ACYP2: variants seen among roughly 807,000 people sequenced by gnomAD.
The protein encoded by ACYP2 is acylphosphatase-2.
A neutral mutation model predicts 11.2 loss-of-function variants in ACYP2; 12 were observed. That is an observed-to-expected ratio of 1.08 (90% confidence interval 0.69 to 1.74). The LOEUF (loss-of-function observed/expected upper bound fraction) is 1.74. Ranked by LOEUF, ACYP2 falls within the 40% of genes most tolerant of loss-of-function variation. ACYP2 has a pLI of 0.00. For synonymous variants in ACYP2, 43 were observed against 32.2 expected (o/e 1.33, Z -1.13); for missense variants, 134 against 101.9 (o/e 1.31, Z -1.35).
chr2:53,976,372 T>A (rs1217802832), intron 2 of ACYP2, among the ~76,000 whole-genome samples: 5 of 152,188 alleles, frequency 3.3e-5, no homozygotes, highest in Non-Finnish European at 4.4e-5. Context: ...CATGTCCGGC[T>A]AATTTTTAAT....
chr2:54,295,103 G>T (rs1286829134), intron 6 of ACYP2, among the ~76,000 whole-genome samples: 1 of 152,068 alleles, frequency 6.6e-6, no homozygotes, highest in Non-Finnish European at 1.5e-5. Flanking sequence ...GGATGGACTT[G>T]GCCCTCCTGT....
intron 2 of ACYP2, among the ~76,000 whole-genome samples, chr2:54,017,412 G>A (rs1673758534): frequency 1.3e-5 from 2 of 151,354 alleles, no homozygotes; most frequent in Non-Finnish European, 1.5e-5. Context: ...GAACCACCAC[G>A]CCTGGCTAAT....
At chr2:54,255,324 G>A (rs1249798136) in intron 6 of ACYP2, 1 of 1,614,080 alleles carries the variant, frequency 6.2e-7, no homozygotes, top group Admixed American at 1.7e-5. Context: ...AATTGGTTAA[G>A]TAGCTTAACA....
At chr2:54,182,923 T>C (rs759439835) in intron 6 of ACYP2, among the ~76,000 whole-genome samples, 1 of 152,206 alleles carries the variant, frequency 6.6e-6, no homozygotes, top group Non-Finnish European at 1.5e-5. Context: ...GGATAAAGGA[T>C]ATCTATGTTA....
chr2:53,989,820 T>G (rs934869287), intron 2 of ACYP2, among the ~76,000 whole-genome samples: 1 of 152,102 alleles, frequency 6.6e-6, no homozygotes, highest in Non-Finnish European at 1.5e-5. Flanking sequence ...CAGTGGCCAT[T>G]ATGTCAAATA....
At position 54,115,688 on chromosome 2, in the gene ACYP2, T is replaced by G. The variant is rs1558538833; in HGVS notation, c.278-19765T>G. ...CCTCTCCGGCTCCTCAACAGAGGGC[T>G]CGCCGCCGCCATGTCTACCGCCCAG... On this transcript the variant is annotated intron_variant, in intron 4 of 6. Transcript: ENST00000607452. 3 of 1,610,102 alleles carry G rather than the reference T, an allele frequency of 1.9e-6. No individual in the cohort carries two copies. In the African/African-American group the frequency reaches 4.0e-5, roughly 22 times the overall value.
chr2:54,165,788 A>T (rs1682943950), intron 6 of ACYP2, among the ~76,000 whole-genome samples: 2 of 152,124 alleles, frequency 1.3e-5, no homozygotes, highest in South Asian at 4.1e-4. Context: ...AAGTCAGTGC[A>T]TCTTGGACTC....
At chr2:54,250,253 C>A (rs1269120612) in intron 6 of ACYP2, among the ~76,000 whole-genome samples, 1 of 152,078 alleles carries the variant, frequency 6.6e-6, no homozygotes, top group Non-Finnish European at 1.5e-5. Flanking sequence ...CCAAGGCTGG[C>A]AGATCACGAG....
intron 6 of ACYP2, among the ~76,000 whole-genome samples, chr2:54,278,319 T>C (rs17045765): frequency 0.24 from 36,070 of 152,192 alleles, 4,745 homozygotes; most frequent in African/African-American, 0.33. Context: ...TTTTTCTCTA[T>C]GAAAGGTTTT....
At chr2:54,145,281 T>C (rs1362364792) in intron 6 of ACYP2, among the ~76,000 whole-genome samples, 2 of 152,214 alleles carry the variant, frequency 1.3e-5, no homozygotes, top group Non-Finnish European at 2.9e-5. Flanking sequence ...ATGATATATT[T>C]TGGATTGATC....
At chr2:54,228,096 A>C (rs1183577319) in intron 6 of ACYP2, among the ~76,000 whole-genome samples, 2 of 152,198 alleles carry the variant, frequency 1.3e-5, no homozygotes, top group Admixed American at 1.3e-4. Context: ...AAATGGAAGG[A>C]ATGTAGCTGT....
intron 4 of ACYP2, among the ~76,000 whole-genome samples, chr2:54,127,349 TA>T (rs1177282124): frequency 6.6e-6 from 1 of 152,220 alleles, no homozygotes; most frequent in Non-Finnish European, 1.5e-5. Flanking sequence ...ACAACACCGT[TA>T]TATGTCTTGT....
intron 6 of ACYP2, among the ~76,000 whole-genome samples, chr2:54,273,667 T>C (rs1192345992): frequency 1.3e-5 from 2 of 152,134 alleles, no homozygotes; most frequent in Admixed American, 1.3e-4. Flanking sequence ...CATTTCACCA[T>C]GTTTGCCAGG....
intron 4 of ACYP2, among the ~76,000 whole-genome samples, chr2:54,061,433 T>C (rs890115424): frequency 2.6e-5 from 4 of 152,148 alleles, no homozygotes; most frequent in African/African-American, 7.2e-5. Flanking sequence ...ATCTGGAAAA[T>C]TAGTTTCACT....
At chr2:53,992,452 G>A (rs1356737975) in intron 2 of ACYP2, among the ~76,000 whole-genome samples, 1 of 152,192 alleles carries the variant, frequency 6.6e-6, no homozygotes, top group Admixed American at 6.5e-5. Flanking sequence ...TAATTAGGAG[G>A]CGTTTTCAGC....
chr2:53,991,967 CT>C (rs1363524150), intron 2 of ACYP2, among the ~76,000 whole-genome samples: 2 of 151,958 alleles, frequency 1.3e-5, no homozygotes, highest in African/African-American at 4.8e-5. Context: ...CACCCAGCTT[CT>C]TTCAATTTCT....
chr2:54,286,970 C>G (rs1421513142), intron 6 of ACYP2, among the ~76,000 whole-genome samples: 5 of 152,028 alleles, frequency 3.3e-5, no homozygotes, highest in Non-Finnish European at 7.3e-5. Flanking sequence ...TATACTATCA[C>G]ATAATTATTT....
intron 6 of ACYP2, among the ~76,000 whole-genome samples, chr2:54,181,621 T>C (rs1183278736): frequency 1.3e-5 from 2 of 152,192 alleles, no homozygotes; most frequent in Non-Finnish European, 2.9e-5. Context: ...CCATTTCCAA[T>C]GATATAATTT....
rs1251031770 is a variant in ACYP2, at chr2:54,117,278, A to G, written c.278-18175A>G. ...TAAAATTTAAAGGTAAATTTGTGTT[A>G]GAAGTTTATTTTTTTAATTTTATTT... On this transcript the variant is annotated intron_variant, in intron 4 of 6. Transcript: ENST00000607452. Among the ~76,000 whole-genome samples, 6 of 152,178 alleles carry G rather than the reference A, an allele frequency of 3.9e-5. No homozygotes were observed. The East Asian group carries it at 1.2e-3, about 29-fold the overall frequency.
Sources: allele counts gnomAD v4.1 joint callset (sites outside exome capture counted in the v4.1 genomes callset), GRCh38; gene constraint gnomAD v4.1.1; transcripts MANE v1.5; gene names NCBI Gene and HGNC (gene_info 2026-07-23, HGNC 2026-07-21).